Variants in SYP observed in about 807,000 individuals in gnomAD.
SYP encodes the protein synaptophysin, also known as major synaptic vesicle protein P38.
In SYP, 2 loss-of-function variants were observed where a neutral mutation model predicts 24.3. That is an observed-to-expected ratio of 0.08 (90% CI 0.03 to 0.26). The LOEUF (loss-of-function observed/expected upper bound fraction) is 0.26. Among genes scored for constraint, SYP ranks in the 10% least tolerant of loss-of-function variants. The pLI, the probability that SYP is intolerant of heterozygous loss-of-function variation, is 1.00. For synonymous variants in SYP, 143 were observed against 123.2 expected, an observed-to-expected ratio of 1.16 and a Z score of -1.07; for missense variants, 216 against 266.3, an observed-to-expected ratio of 0.81 and a Z score of 1.32.
intron 6 of SYP, among the ~76,000 whole-genome samples, chrX:49,190,221 C>A (rs3817677): frequency 1.1e-4 from 12 of 106,564 alleles, no homozygotes; most frequent in Admixed American, 3.0e-4. Context: ...GCTCTGTTGC[C>A]CAGGCTGGAG....
At chrX:49,194,628 C>G (rs1279484559) in intron 3 of SYP, among the ~76,000 whole-genome samples, 1 of 107,301 alleles carries the variant, frequency 9.3e-6, no homozygotes, top group Non-Finnish European at 1.9e-5. Context: ...TCCCTAGGAT[C>G]TTTGTTTGTA....
intron 6 of SYP, 158 bp downstream of exon 6, chrX:49,191,275 A>G: frequency 1.8e-6 from 1 of 566,164 alleles, no homozygotes; most frequent in Non-Finnish European, 3.0e-6. Context: ...AGCTCTTAGC[A>G]GGTAGTTCTG....
At chrX:49,198,016 C>T in intron 2 of SYP, 177 bp from the exon 3 acceptor site, 1 of 524,151 alleles carries the variant, frequency 1.9e-6, no homozygotes, top group Non-Finnish European at 3.2e-6. Context: ...AAGGGTATGG[C>T]TGTCTCTTCC....
At chrX:49,194,764 G>A (rs893752053) in intron 3 of SYP, among the ~76,000 whole-genome samples, 5 of 97,525 alleles carry the variant, frequency 5.1e-5, no homozygotes, top group Non-Finnish European at 1.0e-4. Context: ...GCTGGAGTGC[G>A]GTGGCACAAT....
chrX:49,193,864 C>T (rs2065519329), intron 4 of SYP, among the ~76,000 whole-genome samples: 1 of 111,617 alleles, frequency 9.0e-6, no homozygotes, highest in Non-Finnish European at 1.9e-5. Context: ...GCATGACTGT[C>T]ACAGCGAACC....
At chrX:49,192,877 G>A (rs2065515139) in intron 5 of SYP, among the ~76,000 whole-genome samples, 1 of 112,140 alleles carries the variant, frequency 8.9e-6, no homozygotes, top group East Asian at 2.8e-4. Flanking sequence ...AGGTCAGGGA[G>A]CTTGCAAGAG....
intron 2 of SYP, chrX:49,198,107 G>C: frequency 2.6e-6 from 1 of 385,077 alleles, no homozygotes; most frequent in Non-Finnish European, 4.6e-6. Flanking sequence ...GTTGTTCTCT[G>C]TGTATCTCAC....
rs1557102782 is a variant in SYP at position 49,191,744 on chromosome X, A to G, written c.635T>C (p.Leu212Pro). 1 of 1,206,756 alleles carries G rather than the reference A, an allele frequency of 8.3e-7. No homozygotes were observed. The highest frequency in any genetic ancestry group is 3.0e-5 in the East Asian group (1 of 33,694). ...CCACAGGTTGCCGACCCAGAGCACC[A>G]GGTTCAGGAAGCCGAACACCTGCAG... The part of the protein sequence containing the change: ...NTSVVFGFLN[L>P]VLWVGNLWFV... Residue 212 changes from leucine (L) to proline (P), a missense_variant, in exon 6 of 7, where the codon CTG (leucine) becomes CCG (proline). By Grantham distance (98) the Leu-to-Pro change is moderately conservative. This residue lies in a region of SYP where 114 missense variants were observed against 107.9 expected (regional missense o/e 1.06). Coordinates refer to ENST00000263233, the MANE Select transcript of SYP (RefSeq NM_003179.3).
In SYP at chrX:49,191,706, C is replaced by G. The variant is rs1557102772; in HGVS notation, c.673G>C (p.Glu225Gln). The change falls in exon 6 of 7, where the codon GAG becomes CAG. Residue 225 changes from glutamate (E) to glutamine (Q), a missense_variant. Coordinates refer to ENST00000263233, the MANE Select transcript of SYP (RefSeq NM_003179.3). ...AGGAACGGGGCGGCCCAGCCTGTCT[C>G]CTTAAACACGAACCACAGGTTGCCG... ...WVGNLWFVFK[E>Q]TGWAAPFLRA... The G allele has an allele frequency of 8.3e-7, 1 of 1,208,962 alleles. No homozygotes were observed. Among genetic ancestry groups the G allele is most frequent in the Admixed American group, 2.2e-5 (1 of 46,024 alleles).
intron 6 of SYP, 114 bp from the exon 7 acceptor site, chrX:49,189,396 G>C (rs1202181381): frequency 1.1e-4 from 12 of 110,291 alleles, no homozygotes; most frequent in African/African-American, 4.0e-4. Context: ...TTCTTTCCTG[G>C]AGCCAGCTTC....
intron 2 of SYP, 184 bp downstream of exon 2, chrX:49,198,784 G>T: frequency 2.0e-6 from 1 of 503,326 alleles, no homozygotes; most frequent in Non-Finnish European, 3.5e-6. Context: ...CCTATGTGAC[G>T]TCACAGCTCA....
intron 3 of SYP, among the ~76,000 whole-genome samples, chrX:49,194,990 A>C (rs1211309059): frequency 1.8e-5 from 2 of 111,231 alleles, no homozygotes; most frequent in Middle Eastern, 4.2e-3. Context: ...TACAGGCGTG[A>C]GCCACTGCGC....
intron 3 of SYP, 69 bp downstream of exon 3, chrX:49,197,646 A>G: frequency 2.6e-6 from 3 of 1,161,278 alleles, no homozygotes; most frequent in Non-Finnish European, 3.5e-6. Flanking sequence ...TTGCGGGGGG[A>G]GGTATTGGCC....
chrX:49,199,270 G>A lies in SYP; in HGVS notation c.37-237C>T, dbSNP rs1479356320. The A allele has an allele frequency of 7.0e-6, 3 of 427,916 alleles. No individual in the cohort carries two copies. In the African/African-American group the frequency reaches 7.6e-5, roughly 11 times the overall value. 35.3% of individuals were successfully genotyped at this position (427,916 alleles called of 1,213,427 possible). The stretch of plus-strand genomic sequence containing the variant: ...AGTCGGGGGTGAGGGAGATGGGGAT[G>A]AGGTCAGGACTAGTTAAGGAGGGGG... On this transcript the variant is annotated intron_variant, in intron 1 of 6. Coordinates refer to ENST00000263233, the MANE Select transcript of SYP (RefSeq NM_003179.3).
intron 3 of SYP, 130 bp from the exon 4 acceptor site, chrX:49,194,491 A>G (rs1384545898): frequency 5.9e-5 from 35 of 593,576 alleles, no homozygotes; most frequent in Non-Finnish European, 8.5e-5. Context: ...TCGAGCACCT[A>G]CTATGTACCA....
In SYP at chrX:49,194,197, T is replaced by G; in HGVS notation, c.392A>C (p.Lys131Thr). 8.3e-7 allele frequency: 1 copy of G among 1,211,660 alleles called. No homozygotes were observed. Among genetic ancestry groups the G allele is most frequent in the Non-Finnish European group, 1.1e-6 (1 of 895,492 alleles). ...GGGCCCTTTGTTATTCTCTCGGTAC[T>G]TGTTCTGCAGGAAGATGTAGGTGGC... Reference protein sequence around the residue: ...ALATYIFLQNKYRENNKGPML... With the variant: ...ALATYIFLQNTYRENNKGPML... Residue 131 changes from lysine to threonine, a missense_variant, in exon 4 of 7, where the codon AAG becomes ACG. Lys to Thr is a moderately conservative substitution (Grantham distance 78). This residue lies in a region of SYP where 102 missense variants were observed against 158.4 expected (regional missense o/e 0.64). Coordinates refer to ENST00000263233, the MANE Select transcript of SYP (RefSeq NM_003179.3).
chrX:49,193,210 C>A (rs1160011058), intron 5 of SYP, 62 bp downstream of exon 5: 5 of 1,162,326 alleles, frequency 4.3e-6, no homozygotes, highest in Admixed American at 2.3e-5. Context: ...CACTCCACCA[C>A]TCCCCATGCC....
intron 3 of SYP, 74 bp from the exon 4 acceptor site, chrX:49,194,435 C>T: frequency 9.6e-7 from 1 of 1,045,431 alleles, no homozygotes; most frequent in Non-Finnish European, 1.3e-6. Flanking sequence ...TCATGGGTCC[C>T]CCCATTTCTG....
rs1557102748 is a variant in SYP, at chrX:49,191,643, G to A, written c.736C>T (p.Pro246Ser). ...PPGAPEKQPA[P>S]GDAYGDAGYG... ...CCTGCATCGCCGTAGGCGTCCCCGG[G>A]TGCCGGTTGTTTCTCGGGGGCGCCG... Residue 246 changes from proline (P) to serine (S), a missense_variant, in exon 6 of 7, where the codon CCC becomes TCC. Coordinates refer to ENST00000263233, the MANE Select transcript of SYP (RefSeq NM_003179.3). 8.3e-7 allele frequency: 1 copy of A among 1,206,916 alleles called. No individual in the cohort carries two copies. The highest frequency in any genetic ancestry group is 1.7e-5 in the African/African-American group (1 of 57,927).
Sources: gnomAD v4.1 joint callset for allele counts (sites outside exome capture counted in the v4.1 genomes callset) on GRCh38, gnomAD v4.1.1 for gene constraint, gnomAD v4.1.1 regional missense constraint, MANE v1.5 for transcripts, NCBI Gene and HGNC (gene_info 2026-07-23, HGNC 2026-07-21) for gene names.